The following TCERG1L variants were observed in gnomAD, a reference collection of about 807,000 sequenced individuals.
TCERG1L encodes the protein transcription elongation regulator 1 like.
A neutral mutation model predicts 56.3 loss-of-function variants in TCERG1L; 37 were observed. The ratio of observed to expected loss-of-function variants is 0.66; its 90% CI spans 0.51 to 0.87. The LOEUF (loss-of-function observed/expected upper bound fraction) is 0.87, where lower values mean the gene tolerates loss of function less well. TCERG1L is among the 40% of genes least tolerant of loss of function. The pLI is 0.00. For missense variants in TCERG1L, 799 were observed against 774.2 expected (o/e 1.03, Z -0.38); for synonymous variants, 324 against 326.3 (o/e 0.99, Z 0.08).
intron 4 of TCERG1L, among the ~76,000 whole-genome samples, chr10:131,191,864 CAAA>C (rs59816491): frequency 1.0e-4 from 3 of 28,704 alleles, no homozygotes; most frequent in Non-Finnish European, 1.8e-4. Flanking sequence ...GACTCCGTCT[CAAA>C]AAAAAAAAAA....
chr10:131,232,884 A>C (rs1321405183), intron 4 of TCERG1L, among the ~76,000 whole-genome samples: 1 of 152,242 alleles, frequency 6.6e-6, no homozygotes, highest in South Asian at 2.1e-4. Context: ...AGGTGTGGTC[A>C]GCATTCTGTT....
chr10:131,236,086 T>A (rs1291763550), intron 4 of TCERG1L, among the ~76,000 whole-genome samples: 1 of 152,210 alleles, frequency 6.6e-6, no homozygotes, highest in Non-Finnish European at 1.5e-5. Flanking sequence ...AATCCTAATC[T>A]GAACTTCACA....
chr10:131,144,254 C>T (rs1230661647), intron 7 of TCERG1L, among the ~76,000 whole-genome samples: 1 of 152,190 alleles, frequency 6.6e-6, no homozygotes, highest in Non-Finnish European at 1.5e-5. Context: ...TCTACAATGA[C>T]TAATAGTCAA....
chr10:131,285,524 G>A lies in TCERG1L; in HGVS notation c.670+22687C>T, dbSNP rs1391207597. On this transcript the variant is annotated intron_variant, in intron 3 of 11. Coordinates refer to ENST00000368642, the MANE Select transcript of TCERG1L (RefSeq NM_174937.4). Reference sequence around the variant, plus strand: ...AGAAAGAAAGAAAGAAAGAAAGAAAGAGAGAAAGAAAAGAAAAGAAAGAAA... The same window carrying A: ...AGAAAGAAAGAAAGAAAGAAAGAAAAAGAGAAAGAAAAGAAAAGAAAGAAA... Among the ~76,000 whole-genome samples, 5 of 18,882 alleles carry A rather than the reference G, an allele frequency of 2.6e-4. 1 individual carries two copies. Among genetic ancestry groups the A allele is most frequent in the South Asian group, 3.9e-3 (1 of 256 alleles). The allele number at this position is 18,882 out of a possible 152,430, so 12.4% of individuals were successfully genotyped here. A position where few individuals can be genotyped will look rare whatever the true frequency, so the allele number is the denominator to read the frequency against.
intron 4 of TCERG1L, among the ~76,000 whole-genome samples, chr10:131,226,006 T>C (rs1845787735): frequency 6.6e-6 from 1 of 152,220 alleles, no homozygotes; most frequent in Non-Finnish European, 1.5e-5. Flanking sequence ...GGTGCCATCA[T>C]GGCTCACTGT....
intron 4 of TCERG1L, among the ~76,000 whole-genome samples, chr10:131,220,314 A>C (rs1411116500): frequency 6.6e-6 from 1 of 152,132 alleles, no homozygotes; most frequent in Admixed American, 6.5e-5. Context: ...CCCATCCTCC[A>C]GGGCTCTTGG....
At chr10:131,205,178 G>A (rs1211031766) in intron 4 of TCERG1L, among the ~76,000 whole-genome samples, 2 of 152,098 alleles carry the variant, frequency 1.3e-5, no homozygotes, top group Non-Finnish European at 2.9e-5. Context: ...GGAAAAAGAA[G>A]GTTAATGCTC....
rs1846055596 is a variant in TCERG1L at position 131,168,530 on chromosome 10, G to C, written c.857-1645C>G. ...TCAGGTGCGGAGCAGCAACACTAAGGCAGCCCAGACGTGAGCCGGAGGCCC... is the reference window on the plus strand; with the variant it reads ...TCAGGTGCGGAGCAGCAACACTAAGCCAGCCCAGACGTGAGCCGGAGGCCC... On this transcript the variant is annotated intron_variant, in intron 4 of 11. Transcript: ENST00000368642. 2.0e-5 allele frequency among the ~76,000 whole-genome samples: 3 copies of C among 152,200 alleles called. 1 individual carries two copies. Among genetic ancestry groups the C allele is most frequent in the Admixed American group, 2.0e-4 (3 of 15,284 alleles).
At chr10:131,238,131 C>T (rs764494169) in intron 4 of TCERG1L, among the ~76,000 whole-genome samples, 10 of 152,264 alleles carry the variant, frequency 6.6e-5, no homozygotes, top group African/African-American at 1.4e-4. Context: ...TGCTAGACCC[C>T]GCCCCTGTTC....
intron 6 of TCERG1L, among the ~76,000 whole-genome samples, chr10:131,148,367 C>CACAT (rs3038322): frequency 0.64 from 91,575 of 142,394 alleles, 28,467 homozygotes; most frequent in Non-Finnish European, 0.71. Flanking sequence ...CACACATGCA[C>CACAT]ACAGACATAG....
intron 4 of TCERG1L, among the ~76,000 whole-genome samples, chr10:131,256,191 T>G (rs150789739): frequency 1.3e-3 from 197 of 152,334 alleles, no homozygotes; most frequent in Non-Finnish European, 1.8e-3. Context: ...AAAAAGACCT[T>G]ATTCCCAAAT....
At chr10:131,139,331 G>A (rs527879905) in intron 7 of TCERG1L, among the ~76,000 whole-genome samples, 1 of 152,358 alleles carries the variant, frequency 6.6e-6, no homozygotes, top group East Asian at 1.9e-4. Flanking sequence ...GTGTGTGGGA[G>A]CACAAAGCAC....
intron 4 of TCERG1L, among the ~76,000 whole-genome samples, chr10:131,240,675 C>A (rs1845962453): frequency 6.6e-6 from 1 of 152,192 alleles, no homozygotes; most frequent in Non-Finnish European, 1.5e-5. Flanking sequence ...TACGCCACAG[C>A]CTGGTCCTTC....
At chr10:131,206,871 G>A (rs1403671994) in intron 4 of TCERG1L, among the ~76,000 whole-genome samples, 7 of 152,158 alleles carry the variant, frequency 4.6e-5, no homozygotes, top group East Asian at 1.9e-4. Flanking sequence ...CTGGCCAAGC[G>A]AGTGGTGCGG....
chr10:131,179,448 G>C (rs1328050157), intron 4 of TCERG1L, among the ~76,000 whole-genome samples: 1 of 152,196 alleles, frequency 6.6e-6, no homozygotes, highest in Non-Finnish European at 1.5e-5. Context: ...TCCCACGTGA[G>C]GCTGGTCTGC....
intron 3 of TCERG1L, among the ~76,000 whole-genome samples, chr10:131,289,934 GAGC>G (rs1297435833): frequency 2.4e-5 from 1 of 42,008 alleles, no homozygotes. Flanking sequence ...TGCTGTGTGT[GAGC>G]AGGTGTGCAC....
At chr10:131,262,417 C>G (rs918509272) in intron 3 of TCERG1L, among the ~76,000 whole-genome samples, 1 of 152,154 alleles carries the variant, frequency 6.6e-6, no homozygotes, top group Non-Finnish European at 1.5e-5. Context: ...ATGAACATAT[C>G]TAGATGGCAG....
chr10:131,216,682 C>G (rs1388423578), intron 4 of TCERG1L, among the ~76,000 whole-genome samples: 1 of 152,228 alleles, frequency 6.6e-6, no homozygotes, highest in Non-Finnish European at 1.5e-5. Flanking sequence ...GCCTAAGAAT[C>G]AGCCCAGGAC....
At chr10:131,132,893 C>T (rs1845633580) in intron 8 of TCERG1L, among the ~76,000 whole-genome samples, 1 of 152,174 alleles carries the variant, frequency 6.6e-6, no homozygotes, top group Non-Finnish European at 1.5e-5. Context: ...CACGTGCGGC[C>T]CTAGACCTCC....
Sources: allele counts gnomAD v4.1 joint callset (sites outside exome capture counted in the v4.1 genomes callset), GRCh38; gene constraint gnomAD v4.1.1; transcripts MANE v1.5; gene names NCBI Gene and HGNC (gene_info 2026-07-23, HGNC 2026-07-21).